Variants in HIBADH observed in about 807,000 individuals in gnomAD.
The protein encoded by HIBADH is 3-hydroxyisobutyrate dehydrogenase.
A neutral mutation model predicts 36.1 loss-of-function variants in HIBADH; 25 were observed. The ratio of observed to expected loss-of-function variants is 0.69; its 90% CI spans 0.50 to 0.97. The LOEUF (loss-of-function observed/expected upper bound fraction) is 0.97. Ranked by LOEUF, HIBADH falls within the 50% of genes least tolerant of loss-of-function variation. The pLI, the probability that HIBADH is intolerant of heterozygous loss-of-function variation, is 0.00. For missense variants in HIBADH, 421 were observed against 418.0 expected, an observed-to-expected ratio of 1.01 and a Z score of -0.06; for synonymous variants, 160 against 149.5, an observed-to-expected ratio of 1.07 and a Z score of -0.51.
At chr7:27,629,336 T>TA in intron 4 of HIBADH, 35 bp downstream of exon 4, 1 of 1,596,148 alleles carries the variant, frequency 6.3e-7, no homozygotes, top group African/African-American at 1.3e-5. Context: ...TTGACAAACA[T>TA]AAATAGGTTT....
intron 4 of HIBADH, among the ~76,000 whole-genome samples, chr7:27,600,286 T>C (rs1346460589): frequency 1.3e-5 from 2 of 152,208 alleles, no homozygotes; most frequent in Non-Finnish European, 2.9e-5. Context: ...TCTTTTTTTT[T>C]TTTAAATGAA....
chr7:27,547,958 GAT>G (rs1224879935), intron 4 of HIBADH, among the ~76,000 whole-genome samples: 1 of 152,054 alleles, frequency 6.6e-6, no homozygotes, highest in Non-Finnish European at 1.5e-5. Context: ...TTCCTGTGAT[GAT>G]GTCTCTAGTG....
intron 1 of HIBADH, among the ~76,000 whole-genome samples, chr7:27,659,755 T>C (rs1786379364): frequency 6.6e-6 from 1 of 151,002 alleles, no homozygotes; most frequent in Non-Finnish European, 1.5e-5. Flanking sequence ...CAAACAAACA[T>C]TTAAAAATTA....
intron 2 of HIBADH, among the ~76,000 whole-genome samples, chr7:27,638,012 T>C (rs1785872631): frequency 6.6e-6 from 1 of 152,156 alleles, no homozygotes; most frequent in Non-Finnish European, 1.5e-5. Context: ...AAGCAATTTA[T>C]AGATTCAGGG....
At position 27,659,865 on chromosome 7, in the gene HIBADH, G is replaced by A. The variant is rs768533088; in HGVS notation, c.91+2833C>T. Among the ~76,000 whole-genome samples, 10 of 152,320 alleles carry A rather than the reference G, an allele frequency of 6.6e-5. 1 individual carries two copies. In the South Asian group the frequency reaches 8.3e-4, roughly 13 times the overall value. ...TTCACGCCAGTAGTTCTAGACCAGC[G>A]TAGTAGGCAACTAGCCTTGTCTCAA... is the stretch of plus-strand genomic sequence containing the variant. On this transcript the variant is annotated intron_variant, in intron 1 of 7. Coordinates refer to ENST00000265395, the MANE Select transcript of HIBADH (RefSeq NM_152740.4).
intron 6 of HIBADH, among the ~76,000 whole-genome samples, chr7:27,532,326 A>G (rs11767188): frequency 0.77 from 116,514 of 152,086 alleles, 45,184 homozygotes; most frequent in East Asian, 0.94. Flanking sequence ...AAAGCTTTCC[A>G]CTTTTTCTTA....
chr7:27,662,239 G>C (rs751027447), intron 1 of HIBADH, among the ~76,000 whole-genome samples: 3 of 152,152 alleles, frequency 2.0e-5, no homozygotes, highest in South Asian at 4.1e-4. Context: ...CTCGGACTCA[G>C]GTGGTTAAAC....
intron 4 of HIBADH, among the ~76,000 whole-genome samples, chr7:27,556,577 C>G (rs766870506): frequency 1.3e-5 from 2 of 151,972 alleles, no homozygotes; most frequent in Non-Finnish European, 1.5e-5. Flanking sequence ...TTATTTAATC[C>G]ATCTGCTATT....
chr7:27,643,526 A>C (rs1423472621), intron 2 of HIBADH, among the ~76,000 whole-genome samples: 1 of 152,248 alleles, frequency 6.6e-6, no homozygotes, highest in East Asian at 1.9e-4. Flanking sequence ...ATACATGTGG[A>C]AACAAGCGTA....
At chr7:27,574,101 A>G (rs1308118580) in intron 4 of HIBADH, among the ~76,000 whole-genome samples, 1 of 152,190 alleles carries the variant, frequency 6.6e-6, no homozygotes, top group East Asian at 1.9e-4. Context: ...AAAAAGTTTG[A>G]CTCCAAAAAT....
At chr7:27,552,305 A>G (rs936805914) in intron 4 of HIBADH, among the ~76,000 whole-genome samples, 2 of 152,204 alleles carry the variant, frequency 1.3e-5, no homozygotes, top group African/African-American at 4.8e-5. Flanking sequence ...AAGCCAGCAT[A>G]ACATAACCCC....
chr7:27,566,736 T>C lies in HIBADH; in HGVS notation c.485-23636A>G, dbSNP rs1395600875. Among the ~76,000 whole-genome samples, 3 of 152,186 alleles carry C rather than the reference T, an allele frequency of 2.0e-5. No homozygotes were observed. In the East Asian group the frequency reaches 5.8e-4, roughly 29 times the overall value. ...GAGCATCCTACAAATATGTTGTATT[T>C]ATATTTTTGTTCAGTTCAAAATATT... On this transcript the variant is annotated intron_variant, in intron 4 of 7. Transcript: ENST00000265395.
intron 4 of HIBADH, among the ~76,000 whole-genome samples, chr7:27,612,816 G>A (rs1785345560): frequency 6.7e-6 from 1 of 149,376 alleles, no homozygotes; most frequent in Non-Finnish European, 1.5e-5. Context: ...CATGCCTATA[G>A]TCCTAGATAT....
intron 4 of HIBADH, among the ~76,000 whole-genome samples, chr7:27,579,801 T>A (rs1784763896): frequency 6.6e-6 from 1 of 152,210 alleles, no homozygotes; most frequent in South Asian, 2.1e-4. Context: ...ATTTTAGGGT[T>A]GTCCTACAAA....
chr7:27,616,026 C>T (rs894997282), intron 4 of HIBADH, among the ~76,000 whole-genome samples: 4 of 152,184 alleles, frequency 2.6e-5, no homozygotes, highest in African/African-American at 9.7e-5. Context: ...GTTTATTTGG[C>T]TCGCAGTTCT....
intron 4 of HIBADH, among the ~76,000 whole-genome samples, chr7:27,575,877 C>CGCA (rs1554297013): frequency 6.6e-6 from 1 of 152,202 alleles, no homozygotes; most frequent in Non-Finnish European, 1.5e-5. Flanking sequence ...GCCATCTGCT[C>CGCA]GCAGCAACAG....
chr7:27,589,269 A>C (rs1784907462), intron 4 of HIBADH, among the ~76,000 whole-genome samples: 1 of 152,136 alleles, frequency 6.6e-6, no homozygotes, highest in South Asian at 2.1e-4. Flanking sequence ...AATTAGGAAA[A>C]CCTTAATTTT....
intron 2 of HIBADH, among the ~76,000 whole-genome samples, chr7:27,637,788 CCAA>C (rs1785868062): frequency 6.6e-6 from 1 of 152,090 alleles, no homozygotes; most frequent in Admixed American, 6.6e-5. Flanking sequence ...TTCCTATATA[CCAA>C]CAACAATCAA....
chr7:27,646,994 C>A (rs918359531), intron 2 of HIBADH, among the ~76,000 whole-genome samples: 6 of 152,060 alleles, frequency 3.9e-5, no homozygotes, highest in African/African-American at 1.2e-4. Flanking sequence ...CTGCGCCCAG[C>A]CAGTTTTTCT....
Sources: gnomAD v4.1 joint callset for allele counts (sites outside exome capture counted in the v4.1 genomes callset) on GRCh38, gnomAD v4.1.1 for gene constraint, MANE v1.5 for transcripts, NCBI Gene and HGNC (gene_info 2026-07-23, HGNC 2026-07-21) for gene names.